Variants in VPS53 observed in about 807,000 individuals in gnomAD.
VPS53 encodes VPS53 subunit of GARP complex.
VPS53 carries 70 observed loss-of-function variants against 107.0 expected under a neutral mutation model. The observed-to-expected ratio is 0.65, with a 90% confidence interval of 0.54 to 0.80. The LOEUF (loss-of-function observed/expected upper bound fraction) is 0.80, where lower values mean the gene tolerates loss of function less well. Ranked by LOEUF, VPS53 falls within the 30% of genes least tolerant of loss-of-function variation. The probability of loss-of-function intolerance (pLI) is 0.00; values close to 1 mark genes in which losing one functional copy is unlikely to be tolerated. For missense variants in VPS53, 917 were observed against 1,049.4 expected (o/e 0.87, Z 1.74); for synonymous variants, 409 against 393.3 (o/e 1.04, Z -0.47).
At chr17:656,025 T>C in intron 5 of VPS53, 72 bp from the exon 6 acceptor site, 1 of 1,256,976 alleles carries the variant, frequency 8.0e-7, no homozygotes, top group Non-Finnish European at 1.1e-6. Context: ...TGCAAGTAGC[T>C]CTGTAAGAAA....
chr17:626,594 A>G (rs188937546), intron 10 of VPS53, among the ~76,000 whole-genome samples: 216 of 152,226 alleles, frequency 1.4e-3, no homozygotes, highest in Non-Finnish European at 2.7e-3. Context: ...GAATCACTTG[A>G]ATGCAGTAAA....
At chr17:557,736 T>G (rs1912563773) in intron 15 of VPS53, among the ~76,000 whole-genome samples, 1 of 152,124 alleles carries the variant, frequency 6.6e-6, no homozygotes, top group African/African-American at 2.4e-5. Context: ...GCCACTTGTA[T>G]CATCAGTCAT....
chr17:542,078 G>C (rs1910739388), intron 17 of VPS53, among the ~76,000 whole-genome samples: 2 of 152,250 alleles, frequency 1.3e-5, no homozygotes, highest in Admixed American at 1.3e-4. Context: ...CGCACTGAAG[G>C]AACGTTTCTC....
At chr17:589,654 A>T (rs1434306068) in intron 12 of VPS53, among the ~76,000 whole-genome samples, 3 of 152,218 alleles carry the variant, frequency 2.0e-5, no homozygotes. Context: ...AACTTGGAAA[A>T]TGGGTACAGT....
intron 17 of VPS53, among the ~76,000 whole-genome samples, chr17:550,394 G>GT (rs1225693621): frequency 2.6e-5 from 4 of 152,214 alleles, no homozygotes; most frequent in Non-Finnish European, 5.9e-5. Context: ...GGGCCAGACA[G>GT]TAAATATTTA....
chr17:656,955 T>C, intron 5 of VPS53: 1 of 1,046,238 alleles, frequency 9.6e-7, no homozygotes, highest in Non-Finnish European at 1.5e-6. Flanking sequence ...CTGGTGTCTT[T>C]CACATGAACC....
intron 4 of VPS53, among the ~76,000 whole-genome samples, chr17:667,664 G>C (rs905045428): frequency 1.5e-5 from 2 of 135,258 alleles, no homozygotes; most frequent in African/African-American, 2.7e-5. Context: ...CTGGGGGGGG[G>C]GGCAATGGGT....
intron 16 of VPS53, chr17:552,609 T>C (rs902771613): frequency 6.5e-6 from 1 of 154,924 alleles, no homozygotes; most frequent in African/African-American, 2.4e-5. Flanking sequence ...CTTTATACTT[T>C]AAAACACTGA....
chr17:519,078 G>A lies in VPS53; in HGVS notation c.*50C>T, dbSNP rs539376309. Reference sequence around the variant, plus strand: ...ACAGGAGAGGTTGGGGGCTTCTGGGGAACGGGCGCTGAGGGTCTCCAGCCA... The same window carrying A: ...ACAGGAGAGGTTGGGGGCTTCTGGGAAACGGGCGCTGAGGGTCTCCAGCCA... On this transcript the variant is annotated 3_prime_UTR_variant, in exon 22 of 22. Coordinates refer to ENST00000437048, the MANE Select transcript of VPS53 (RefSeq NM_001128159.3). The surrounding 1 kb of genome is among the most constrained non-coding windows in gnomAD (Gnocchi z 5.0). 4.5e-4 allele frequency: 648 copies of A among 1,454,148 alleles called. 3 individuals carry two copies. In the African/African-American group the frequency reaches 8.6e-3, roughly 19 times the overall value. 90.1% of individuals were successfully genotyped at this position (1,454,148 alleles called of 1,614,324 possible).
At chr17:525,531 C>G (rs1169493680) in intron 19 of VPS53, among the ~76,000 whole-genome samples, 2 of 151,392 alleles carry the variant, frequency 1.3e-5, no homozygotes, top group African/African-American at 2.4e-5. Flanking sequence ...TCTACAAAAA[C>G]AAAAATAATA....
intron 7 of VPS53, among the ~76,000 whole-genome samples, chr17:638,244 CTT>C (rs1189606586): frequency 6.6e-6 from 1 of 151,996 alleles, no homozygotes; most frequent in Non-Finnish European, 1.5e-5. Context: ...CAACCCCTGC[CTT>C]TTTTTGTTTT....
chr17:641,218 C>T (rs1472126794), intron 7 of VPS53, among the ~76,000 whole-genome samples: 1 of 152,180 alleles, frequency 6.6e-6, no homozygotes, highest in Non-Finnish European at 1.5e-5. Flanking sequence ...TATTCCCTTA[C>T]AGACATCACT....
At chr17:567,784 G>T (rs1305722541) in intron 13 of VPS53, among the ~76,000 whole-genome samples, 1 of 151,930 alleles carries the variant, frequency 6.6e-6, no homozygotes, top group African/African-American at 2.4e-5. Flanking sequence ...AGTTACTTGG[G>T]AGGCTGAGGG....
intron 13 of VPS53, among the ~76,000 whole-genome samples, chr17:576,361 T>TC (rs1436821386): frequency 1.3e-5 from 2 of 150,436 alleles, no homozygotes; most frequent in East Asian, 2.0e-4. Flanking sequence ...CCTCAGGACC[T>TC]AATGCATTCC....
At chr17:622,620 G>C (rs1249086980) in intron 11 of VPS53, among the ~76,000 whole-genome samples, 1 of 152,218 alleles carries the variant, frequency 6.6e-6, no homozygotes, top group Non-Finnish European at 1.5e-5. Flanking sequence ...CCATAGAACA[G>C]AGTCACTTGG....
intron 4 of VPS53, among the ~76,000 whole-genome samples, chr17:695,312 A>G (rs1373877140): frequency 6.6e-6 from 1 of 152,218 alleles, no homozygotes; most frequent in Non-Finnish European, 1.5e-5. Context: ...GATAAGGTCC[A>G]TGGAAAACAT....
chr17:675,709 G>C (rs894148273), intron 4 of VPS53: 1 of 149,700 alleles, frequency 6.7e-6, no homozygotes, highest in African/African-American at 2.5e-5. Context: ...AGGAGGCGGA[G>C]GTTGCAGTGA....
chr17:666,145 G>A (rs550698742), intron 4 of VPS53, among the ~76,000 whole-genome samples: 1 of 152,200 alleles, frequency 6.6e-6, no homozygotes, highest in Non-Finnish European at 1.5e-5. Context: ...AAGTCTGTAA[G>A]ATTAGAAGTC....
intron 11 of VPS53, among the ~76,000 whole-genome samples, chr17:620,408 G>C (rs1026604473): frequency 1.3e-5 from 2 of 152,236 alleles, no homozygotes; most frequent in Non-Finnish European, 2.9e-5. Flanking sequence ...GTAGGAGCTA[G>C]AGAAGGTGGC....
Sources: gnomAD v4.1 joint callset for allele counts (sites outside exome capture counted in the v4.1 genomes callset) on GRCh38, gnomAD v4.1.1 for gene constraint, Gnocchi (gnomAD v3.1) non-coding constraint, MANE v1.5 for transcripts, NCBI Gene and HGNC (gene_info 2026-07-23, HGNC 2026-07-21) for gene names.